Variants in CDH23 observed in about 807,000 individuals in gnomAD.
CDH23 encodes the protein cadherin related 23, also known as cadherin-23.
In CDH23, 189 loss-of-function variants were observed where a neutral mutation model predicts 317.1. The ratio of observed to expected loss-of-function variants is 0.60; its 90% CI spans 0.53 to 0.67. The LOEUF (loss-of-function observed/expected upper bound fraction) is 0.67, where lower values mean the gene tolerates loss of function less well. Among genes scored for constraint, CDH23 ranks in the 30% least tolerant of loss-of-function variants. The pLI is 0.00. For synonymous variants in CDH23, 1,839 were observed against 1,876.8 expected (o/e 0.98, Z 0.52); for missense variants, 4,401 against 4,592.4 (o/e 0.96, Z 1.20).
intron 9 of CDH23, 129 bp from the exon 10 acceptor site, chr10:71,615,375 T>C: frequency 2.8e-6 from 2 of 709,428 alleles, no homozygotes; most frequent in Middle Eastern, 5.3e-4. Flanking sequence ...CCAGCATTCA[T>C]TTCAAGTAAC....
At chr10:71,401,989 G>A (rs1847801909) in intron 1 of CDH23, among the ~76,000 whole-genome samples, 1 of 152,212 alleles carries the variant, frequency 6.6e-6, no homozygotes, top group Non-Finnish European at 1.5e-5. Context: ...GACGAGAAAG[G>A]TGTCAGCCAG....
chr10:71,733,598 G>A (rs1389947897), intron 32 of CDH23, among the ~76,000 whole-genome samples: 2 of 152,116 alleles, frequency 1.3e-5, no homozygotes, highest in Non-Finnish European at 2.9e-5. Flanking sequence ...GAGACCAAAT[G>A]CATATTTCTT....
At chr10:71,656,140 G>A (rs1271162938) in intron 14 of CDH23, among the ~76,000 whole-genome samples, 1 of 152,136 alleles carries the variant, frequency 6.6e-6, no homozygotes, top group African/African-American at 2.4e-5. Flanking sequence ...GCAGCCCCAG[G>A]ACCAAGGCCA....
rs1554831267 is a variant in CDH23 at position 71,500,820 on chromosome 10, T to TTTTCTCTTTC, written c.146-9262_146-9261insTTTCTCTTTC. Among the ~76,000 whole-genome samples the TTTTCTCTTTC allele has an allele frequency of 8.7e-4, 108 of 124,380 alleles. No homozygotes were observed. In the East Asian group the frequency reaches 0.012, roughly 13 times the overall value. 81.6% of individuals were successfully genotyped at this position (124,380 alleles called of 152,430 possible). ...TTTTCTTTTCTTTTCTTTTCTTTTC[T>TTTTCTCTTTC]CTTTCCTTTCCTTTCTTTTCTTTTC... On this transcript the variant is annotated intron_variant, in intron 3 of 69. Transcript: ENST00000224721.
intron 9 of CDH23, among the ~76,000 whole-genome samples, chr10:71,597,225 C>T (rs1178073742): frequency 6.6e-6 from 1 of 152,074 alleles, no homozygotes; most frequent in East Asian, 1.9e-4. Flanking sequence ...GGGAGCAGAG[C>T]AGGCATCGCC....
chr10:71,590,873 TAAA>T (rs71018215), intron 9 of CDH23, among the ~76,000 whole-genome samples: 3,206 of 72,280 alleles, frequency 0.044, 329 homozygotes, highest in East Asian at 0.27. Flanking sequence ...ACCCTGTCTC[TAAA>T]AAAAAAAAAA....
At chr10:71,814,908 C>T (rs777766761) in intron 69 of CDH23, 44 bp from the exon 70 acceptor site, 3 of 1,553,076 alleles carry the variant, frequency 1.9e-6, no homozygotes, top group Non-Finnish European at 2.6e-6. Flanking sequence ...CTGCTCACCC[C>T]TTGGGCATGG....
intron 6 of CDH23, among the ~76,000 whole-genome samples, chr10:71,559,894 A>G (rs975960715): frequency 1.3e-5 from 2 of 152,210 alleles, no homozygotes; most frequent in African/African-American, 4.8e-5. Flanking sequence ...ATGGGTACAC[A>G]TGGGTTTATG....
intron 3 of CDH23, among the ~76,000 whole-genome samples, chr10:71,477,303 G>A (rs1851843000): frequency 1.3e-5 from 2 of 152,144 alleles, no homozygotes; most frequent in Admixed American, 6.5e-5. Flanking sequence ...CGAGCAGATG[G>A]GATTACAGGC....
chr10:71,666,343 C>G (rs1034451015), intron 14 of CDH23, among the ~76,000 whole-genome samples: 1 of 152,038 alleles, frequency 6.6e-6, no homozygotes, highest in Non-Finnish European at 1.5e-5. Flanking sequence ...CCATTGCCAA[C>G]CCAGGACGTG....
In CDH23 at chr10:71,806,210, G is replaced by A. The variant is rs750472579; in HGVS notation, c.8107G>A (p.Glu2703Lys). The change falls in exon 57 of 70, where the codon GAG becomes AAG. Residue 2703 changes from glutamate to lysine, a missense_variant. Physicochemically the swap from Glu to Lys is moderately conservative, Grantham distance 56 (BLOSUM62 1). Coordinates refer to ENST00000224721, the MANE Select transcript of CDH23 (RefSeq NM_022124.6). The stretch of plus-strand genomic sequence containing the variant: ...CGACCTGGGCCAGCCAGTGCCATAC[G>A]AGACTATGCAGCCGCTGCAGGTGGC... ...ASDLGQPVPY[E>K]TMQPLQVALE... 5.1e-6 allele frequency: 8 copies of A among 1,579,310 alleles called. No homozygotes were observed. Among genetic ancestry groups the A allele is most frequent in the South Asian group, 2.3e-5 (2 of 86,210 alleles).
rs1842103005 is a variant in CDH23, at chr10:71,815,449, G to T, written c.*171G>T. 10 of 550,758 alleles carry T rather than the reference G, an allele frequency of 1.8e-5. No homozygotes were observed. The East Asian group carries it at 2.9e-4, about 16-fold the overall frequency. The allele number at this position is 550,758 out of a possible 1,614,324, so 34.1% of individuals were successfully genotyped here. On this transcript the variant is annotated 3_prime_UTR_variant, in exon 70 of 70. Transcript: ENST00000224721. ...AGCTGCTCAGATCCCACTTTTGCCA[G>T]ACGCTCATTCAGCATCTGACCTCTA... is the stretch of plus-strand genomic sequence containing the variant.
At chr10:71,577,710 C>T (rs1858313668) in intron 8 of CDH23, among the ~76,000 whole-genome samples, 1 of 152,176 alleles carries the variant, frequency 6.6e-6, no homozygotes, top group South Asian at 2.1e-4. Context: ...TAAGGTTTGG[C>T]CTCCCCGTGG....
At chr10:71,453,591 C>T (rs1395958259) in intron 3 of CDH23, among the ~76,000 whole-genome samples, 2 of 152,262 alleles carry the variant, frequency 1.3e-5, no homozygotes, top group Admixed American at 6.5e-5. Context: ...CCTGGTGCTC[C>T]AGAAGGAACT....
intron 34 of CDH23, among the ~76,000 whole-genome samples, chr10:71,737,000 G>A (rs1052409214): frequency 2.0e-5 from 3 of 152,164 alleles, no homozygotes; most frequent in Admixed American, 1.3e-4. Context: ...AAGCACAAAA[G>A]CCCTGTGGTG....
At position 71,672,239 on chromosome 10, in the gene CDH23, G is replaced by A. The variant is rs559354165; in HGVS notation, c.1450-2873G>A. ...CAGAGCCAGGTCCTGGGAGCTACAC[G>A]TGGTCCAGTCTGGGTCAGAGATGAG... On this transcript the variant is annotated intron_variant, in intron 14 of 69. Transcript: ENST00000224721. 1.9e-4 allele frequency among the ~76,000 whole-genome samples: 29 copies of A among 152,182 alleles called. No individual in the cohort carries two copies. The East Asian group carries it at 3.9e-3, about 20-fold the overall frequency.
intron 49 of CDH23, 86 bp from the exon 50 acceptor site, chr10:71,798,268 C>A: frequency 1.0e-6 from 1 of 986,010 alleles, no homozygotes; most frequent in Non-Finnish European, 1.6e-6. Flanking sequence ...CTGCCATGCT[C>A]ACCCGGCTTG....
intron 21 of CDH23, among the ~76,000 whole-genome samples, chr10:71,694,822 CTCTTTG>C (rs1865317812): frequency 6.6e-6 from 1 of 152,182 alleles, no homozygotes. Flanking sequence ...GCCACCTCCC[CTCTTTG>C]TTCCCCATTC....
chr10:71,515,833 G>A (rs1052281151), intron 6 of CDH23, among the ~76,000 whole-genome samples: 3 of 152,158 alleles, frequency 2.0e-5, no homozygotes, highest in African/African-American at 7.2e-5. Flanking sequence ...CCTTGGTGAA[G>A]GCAATTTTAC....
Sources: gnomAD v4.1 joint callset for allele counts (sites outside exome capture counted in the v4.1 genomes callset) on GRCh38, gnomAD v4.1.1 for gene constraint, MANE v1.5 for transcripts, NCBI Gene and HGNC (gene_info 2026-07-23, HGNC 2026-07-21) for gene names.